Variants in BORA observed in about 807,000 individuals in gnomAD.
BORA encodes BORA aurora kinase A activator.
In BORA, 26 loss-of-function variants were observed where a neutral mutation model predicts 55.8. The observed-to-expected ratio is 0.47, with a 90% CI of 0.34 to 0.65. The LOEUF is 0.65. BORA is among the 30% of genes least tolerant of loss of function. The pLI, the probability that BORA is intolerant of heterozygous loss-of-function variation, is 0.01. For synonymous variants in BORA, 201 were observed against 216.9 expected, an observed-to-expected ratio of 0.93 and a Z score of 0.64; for missense variants, 568 against 671.5, an observed-to-expected ratio of 0.85 and a Z score of 1.70.
In BORA at chr13:72,755,249, A is replaced by T. The variant is rs1302265082; in HGVS notation, c.*33A>T. On this transcript the variant is annotated 3_prime_UTR_variant, in exon 12 of 12. Coordinates refer to ENST00000390667, the MANE Select transcript of BORA (RefSeq NM_024808.5). The stretch of plus-strand genomic sequence containing the variant: ...CTGTCAGAATCAAAGACTAAGCTTA[A>T]GAGTTCCTCGCATATATCGTTGTGC... 1.3e-6 allele frequency: 2 copies of T among 1,559,506 alleles called. No individual in the cohort carries two copies. Among genetic ancestry groups the T allele is most frequent in the East Asian group, 4.5e-5 (2 of 44,606 alleles).
chr13:72,738,438 G>A (rs2032976318), intron 5 of BORA, among the ~76,000 whole-genome samples: 1 of 152,124 alleles, frequency 6.6e-6, no homozygotes. Flanking sequence ...TCTTATAAAG[G>A]TAAAGAAAGG....
At chr13:72,734,934 T>C (rs1268271596) in intron 3 of BORA, 26 bp from the exon 4 acceptor site, 2 of 1,494,866 alleles carry the variant, frequency 1.3e-6, no homozygotes, top group Non-Finnish European at 1.8e-6. Context: ...ATAGCATGGT[T>C]ATTTTTCTTC....
At chr13:72,742,659 C>G (rs2033055543) in intron 5 of BORA, among the ~76,000 whole-genome samples, 1 of 151,916 alleles carries the variant, frequency 6.6e-6, no homozygotes, top group African/African-American at 2.4e-5. Context: ...GATACCTGCA[C>G]TCTCATATTT....
At chr13:72,744,289 T>G (rs962408261) in intron 6 of BORA, among the ~76,000 whole-genome samples, 1 of 152,208 alleles carries the variant, frequency 6.6e-6, no homozygotes, top group African/African-American at 2.4e-5. Flanking sequence ...GAGTTAACTT[T>G]TACTATTAAC....
chr13:72,743,406 T>A (rs1362777248), intron 5 of BORA, 131 bp from the exon 6 acceptor site: 25 of 508,404 alleles, frequency 4.9e-5, no homozygotes, highest in Admixed American at 4.9e-4. Flanking sequence ...AAATATATAC[T>A]TATATATGCA....
In BORA at chr13:72,727,988, G is replaced by A. The variant is rs753903275; in HGVS notation, c.-35G>A. On this transcript the variant is annotated 5_prime_UTR_variant, in exon 1 of 12. Coordinates refer to ENST00000390667, the MANE Select transcript of BORA (RefSeq NM_024808.5). Reference sequence around the variant, plus strand: ...GAGCTCCCTGGAGTCGGTACTGGGGGCTTCGTTTTGTACGCACCGGTAGGT... The same window carrying A: ...GAGCTCCCTGGAGTCGGTACTGGGGACTTCGTTTTGTACGCACCGGTAGGT... 2.6e-5 allele frequency: 40 copies of A among 1,547,148 alleles called. No homozygotes were observed. The highest frequency in any genetic ancestry group is 9.9e-5 in the East Asian group (4 of 40,600).
intron 5 of BORA, among the ~76,000 whole-genome samples, chr13:72,741,399 T>A (rs143571677): frequency 8.6e-4 from 131 of 152,372 alleles, no homozygotes; most frequent in African/African-American, 3.1e-3. Context: ...CTAATGACCT[T>A]TTACATTTCA....
chr13:72,750,231 G>C (rs563440280), intron 10 of BORA, among the ~76,000 whole-genome samples: 1 of 152,318 alleles, frequency 6.6e-6, no homozygotes, highest in Admixed American at 6.5e-5. Flanking sequence ...AAGCAGGAAA[G>C]AATGGTTAGC....
At chr13:72,728,113 C>A in intron 1 of BORA, 106 bp downstream of exon 1, 1 of 1,446,120 alleles carries the variant, frequency 6.9e-7, no homozygotes, top group Non-Finnish European at 9.5e-7. Flanking sequence ...TGAATGGGAG[C>A]AGTCAGGGAG....
At chr13:72,747,345 G>C (rs1299106535) in intron 10 of BORA, among the ~76,000 whole-genome samples, 4 of 152,104 alleles carry the variant, frequency 2.6e-5, no homozygotes, top group Admixed American at 6.6e-5. Flanking sequence ...GTAGGAAAAG[G>C]TAAGAGCAGA....
chr13:72,730,888 T>TTA (rs1555271500), intron 2 of BORA, among the ~76,000 whole-genome samples: 2 of 49,004 alleles, frequency 4.1e-5, no homozygotes, highest in African/African-American at 5.3e-5. Context: ...CCATCTCTAC[T>TTA]AAAAAAAAAA....
At chr13:72,744,957 CT>C in intron 7 of BORA, 23 bp from the exon 8 acceptor site, 1 of 1,598,042 alleles carries the variant, frequency 6.3e-7, no homozygotes. Flanking sequence ...CTAGCTTTGC[CT>C]TTTCTCCTAT....
chr13:72,743,729 T>A, intron 6 of BORA, 127 bp downstream of exon 6: 1 of 712,180 alleles, frequency 1.4e-6, no homozygotes, highest in East Asian at 3.3e-5. Flanking sequence ...TTTTAATTTA[T>A]TTTTGTTTTT....
chr13:72,729,085 A>G lies in BORA; in HGVS notation c.145A>G (p.Lys49Glu), dbSNP rs751672774. 1 of 1,560,570 alleles carries G rather than the reference A, an allele frequency of 6.4e-7. No homozygotes were observed. The highest frequency in any genetic ancestry group is 1.2e-5 in the South Asian group (1 of 82,672). The change falls in exon 2 of 12, where the codon AAA (lysine) becomes GAA (glutamate). Residue 49 changes from lysine (K) to glutamate (E), a missense_variant. By Grantham distance (56) the Lys-to-Glu change is moderately conservative (BLOSUM62 1). Coordinates refer to ENST00000390667, the MANE Select transcript of BORA (RefSeq NM_024808.5). The part of the protein sequence containing the change: ...LASPSVFKST[K>E]LPTPGKFRWS... ...CAGTCCTTCTGTTTTTAAATCAACAAAATTACCAGTAAGTTATTCCTGACT... is the reference window on the plus strand; with the variant it reads ...CAGTCCTTCTGTTTTTAAATCAACAGAATTACCAGTAAGTTATTCCTGACT...
chr13:72,752,337 T>C (rs1277742442), intron 10 of BORA: 2 of 152,216 alleles, frequency 1.3e-5, no homozygotes, highest in Non-Finnish European at 1.5e-5. Flanking sequence ...ATCTGTTGCC[T>C]GGTTGGTACA....
rs542756234 is a variant in BORA, at chr13:72,738,351, TG to T, written c.388+309del. ...ATTGAATATAGAGATGAGTTGTTAA[TG>T]ACTTTAGCAGTATTTTGAAGGTTAA... is the stretch of plus-strand genomic sequence containing the variant. On this transcript the variant is annotated intron_variant, in intron 5 of 11. Transcript: ENST00000390667. Among the ~76,000 whole-genome samples the T allele has an allele frequency of 2.0e-3, 310 of 152,300 alleles. 1 individual carries two copies. The highest frequency in any genetic ancestry group is 7.0e-3 in the African/African-American group (291 of 41,584).
At chr13:72,744,834 A>C (rs2033108900) in intron 7 of BORA, 147 bp from the exon 8 acceptor site, 1 of 694,376 alleles carries the variant, frequency 1.4e-6, no homozygotes, top group South Asian at 1.9e-5. Context: ...TTAAGATGTA[A>C]AACATCAAAT....
chr13:72,731,402 C>A lies in BORA; in HGVS notation c.260+15C>A. ...AGTCATTCTCGGTAAGTTTTCCTTT[C>A]TTGCACCTAAGTCTAATAACACTCT... On this transcript the variant is annotated intron_variant, in intron 3 of 11. Coordinates refer to ENST00000390667, the MANE Select transcript of BORA (RefSeq NM_024808.5). The A allele has an allele frequency of 6.6e-7, 1 of 1,522,984 alleles. No individual in the cohort carries two copies. The highest frequency in any genetic ancestry group is 9.1e-7 in the Non-Finnish European group (1 of 1,100,060). 94.3% of individuals were successfully genotyped at this position (1,522,984 alleles called of 1,614,324 possible). A position where few individuals can be genotyped will look rare whatever the true frequency, so the allele number is the denominator to read the frequency against.
intron 8 of BORA, 79 bp downstream of exon 8, chr13:72,745,286 C>T: frequency 1.7e-6 from 2 of 1,210,334 alleles, no homozygotes; most frequent in Admixed American, 4.1e-5. Flanking sequence ...CTATCTTAGG[C>T]TTTCAGCAGC....
Sources: allele counts gnomAD v4.1 joint callset (sites outside exome capture counted in the v4.1 genomes callset), GRCh38; gene constraint gnomAD v4.1.1; transcripts MANE v1.5; gene names NCBI Gene and HGNC (gene_info 2026-07-23, HGNC 2026-07-21).